The following GPM6A variants were observed in gnomAD, a reference collection of about 807,000 sequenced individuals.
GPM6A encodes neuronal membrane glycoprotein M6-a.
In GPM6A, 7 loss-of-function variants were observed where a neutral mutation model predicts 32.1. That is an observed-to-expected ratio of 0.22 (90% CI 0.12 to 0.41). GPM6A has a LOEUF of 0.41. Among genes scored for constraint, GPM6A ranks in the 10% least tolerant of loss-of-function variants. The pLI, the probability that GPM6A is intolerant of heterozygous loss-of-function variation, is 1.00. For synonymous variants in GPM6A, 130 were observed against 123.4 expected, an observed-to-expected ratio of 1.05 and a Z score of -0.35; for missense variants, 235 against 347.2, an observed-to-expected ratio of 0.68 and a Z score of 2.57.
At chr4:175,714,279 G>A (rs1265659586) in intron 1 of GPM6A, among the ~76,000 whole-genome samples, 1 of 152,188 alleles carries the variant, frequency 6.6e-6, no homozygotes, top group African/African-American at 2.4e-5. Flanking sequence ...TAAGAAATTT[G>A]AACGAATGAT....
intron 1 of GPM6A, among the ~76,000 whole-genome samples, chr4:175,888,212 T>C (rs905739405): frequency 1.3e-5 from 2 of 152,022 alleles, no homozygotes; most frequent in Non-Finnish European, 2.9e-5. Flanking sequence ...GACAAAAATT[T>C]ATTGAACAAG....
intron 4 of GPM6A, among the ~76,000 whole-genome samples, chr4:175,650,793 G>A (rs1741759568): frequency 6.6e-6 from 1 of 152,106 alleles, no homozygotes; most frequent in African/African-American, 2.4e-5. Flanking sequence ...TAAGTGAAAT[G>A]TCTCCTACTT....
chr4:175,976,753 C>A (rs1214395063), intron 1 of GPM6A, among the ~76,000 whole-genome samples: 2 of 152,198 alleles, frequency 1.3e-5, no homozygotes, highest in African/African-American at 4.8e-5. Context: ...GAGCTCTCTG[C>A]TTCTGACCAT....
At position 175,864,357 on chromosome 4, in the gene GPM6A, A is replaced by G. The variant is rs531040298; in HGVS notation, c.-22-52108T>C. 2.0e-5 allele frequency among the ~76,000 whole-genome samples: 3 copies of G among 152,216 alleles called. No individual in the cohort carries two copies. In the East Asian group the frequency reaches 5.8e-4, roughly 29 times the overall value. ...AATTTTTTGTATTTTTTGTAGAGAC[A>G]GGGTTTCACCAGTTTGCCCAAGCTA... On this transcript the variant is annotated intron_variant, in intron 1 of 7. Transcript: ENST00000280187.
chr4:175,868,325 C>T (rs990817319), intron 1 of GPM6A, among the ~76,000 whole-genome samples: 1 of 152,126 alleles, frequency 6.6e-6, no homozygotes, highest in African/African-American at 2.4e-5. Context: ...AACTGGAACC[C>T]AGTCCTTTAT....
intron 1 of GPM6A, among the ~76,000 whole-genome samples, chr4:175,920,772 C>T (rs1002802237): frequency 1.3e-5 from 2 of 151,658 alleles, no homozygotes; most frequent in Non-Finnish European, 2.9e-5. Context: ...TCACTTGAAC[C>T]CGGGAGGCGG....
At chr4:175,739,481 T>C (rs1731794178) in intron 1 of GPM6A, among the ~76,000 whole-genome samples, 1 of 152,134 alleles carries the variant, frequency 6.6e-6, no homozygotes, top group South Asian at 2.1e-4. Context: ...TTAATACTGG[T>C]AATTCCCAAT....
chr4:175,764,796 T>C (rs1732892560), intron 1 of GPM6A, among the ~76,000 whole-genome samples: 1 of 151,256 alleles, frequency 6.6e-6, no homozygotes, highest in South Asian at 2.1e-4. Context: ...CATATTAAAT[T>C]TTTCTTTAAC....
intron 1 of GPM6A, among the ~76,000 whole-genome samples, chr4:175,722,463 C>A (rs1003269309): frequency 3.3e-5 from 5 of 152,138 alleles, no homozygotes; most frequent in Non-Finnish European, 5.9e-5. Flanking sequence ...ATCTTAAGCT[C>A]CCGCAGTAAG....
Position 175,700,832 on chromosome 4 carries a change from A to T in GPM6A, c.230+743T>A, listed in dbSNP as rs371520019. ...AAAAATCACTGAATAAATTATCTGA[A>T]TTAGTAACTTATTTAGCAATAAACG... On this transcript the variant is annotated intron_variant, in intron 2 of 6. Transcript: ENST00000393658. 2.6e-3 allele frequency among the ~76,000 whole-genome samples: 391 copies of T among 152,328 alleles called. 5 individuals are homozygous for T. Among genetic ancestry groups the T allele is most frequent in the African/African-American group, 9.0e-3 (376 of 41,580 alleles).
chr4:175,844,552 CAGATTAT>C (rs1415712413), intron 1 of GPM6A, among the ~76,000 whole-genome samples: 1 of 152,170 alleles, frequency 6.6e-6, no homozygotes, highest in Non-Finnish European at 1.5e-5. Flanking sequence ...TCTCTCTATG[CAGATTAT>C]AGATGCCTAT....
At chr4:175,990,566 G>A (rs1579691326) in intron 1 of GPM6A, among the ~76,000 whole-genome samples, 1 of 151,922 alleles carries the variant, frequency 6.6e-6, no homozygotes, top group East Asian at 1.9e-4. Context: ...AGACCCTTCA[G>A]TAGACCCCTA....
At chr4:175,718,593 G>A (rs562355017) in intron 1 of GPM6A, among the ~76,000 whole-genome samples, 185 of 152,188 alleles carry the variant, frequency 1.2e-3, no homozygotes, top group Non-Finnish European at 2.3e-3. Flanking sequence ...TCCAGCTTGG[G>A]TGACAGACTA....
intron 1 of GPM6A, among the ~76,000 whole-genome samples, chr4:175,931,705 C>T (rs796396418): frequency 0.028 from 3,853 of 139,016 alleles, 92 homozygotes; most frequent in African/African-American, 0.06. Context: ...CACACACACA[C>T]ACACATATAT....
At chr4:175,863,823 G>A (rs1320841978) in intron 1 of GPM6A, among the ~76,000 whole-genome samples, 1 of 152,168 alleles carries the variant, frequency 6.6e-6, no homozygotes, top group African/African-American at 2.4e-5. Context: ...CCAACAAAGT[G>A]AAACCCTGTC....
chr4:175,689,263 T>C (rs1744160319), intron 2 of GPM6A, among the ~76,000 whole-genome samples: 1 of 152,218 alleles, frequency 6.6e-6, no homozygotes, highest in Non-Finnish European at 1.5e-5. Flanking sequence ...GTGATTTTGA[T>C]AAATATAGCT....
intron 1 of GPM6A, among the ~76,000 whole-genome samples, chr4:175,979,526 G>T (rs1294832417): frequency 6.6e-6 from 1 of 152,154 alleles, no homozygotes; most frequent in Non-Finnish European, 1.5e-5. Context: ...AGTTTGCTGA[G>T]AATGATGGTT....
At chr4:175,681,222 A>G (rs1461244663) in intron 2 of GPM6A, among the ~76,000 whole-genome samples, 1 of 152,180 alleles carries the variant, frequency 6.6e-6, no homozygotes, top group Non-Finnish European at 1.5e-5. Context: ...CCAGCAGTAT[A>G]TTAGAATGTC....
intron 1 of GPM6A, among the ~76,000 whole-genome samples, chr4:175,953,299 A>G (rs953010946): frequency 1.3e-5 from 2 of 152,134 alleles, no homozygotes; most frequent in Non-Finnish European, 2.9e-5. Context: ...TATCATGACA[A>G]TTTTCCACAG....
Sources: allele counts gnomAD v4.1 joint callset (sites outside exome capture counted in the v4.1 genomes callset), GRCh38; gene constraint gnomAD v4.1.1; transcripts MANE v1.5; gene names NCBI Gene and HGNC (gene_info 2026-07-23, HGNC 2026-07-21).